Variants in RELT observed in about 807,000 individuals in gnomAD.
RELT encodes RELT TNF receptor.
A neutral mutation model predicts 51.1 loss-of-function variants in RELT; 37 were observed. The observed-to-expected ratio is 0.72, with a 90% CI of 0.56 to 0.95. The LOEUF (loss-of-function observed/expected upper bound fraction) is 0.95. Ranked by LOEUF, RELT falls within the 40% of genes least tolerant of loss-of-function variation. The pLI is 0.00. For synonymous variants in RELT, 241 were observed against 235.7 expected (o/e 1.02, Z -0.21); for missense variants, 535 against 572.6 (o/e 0.93, Z 0.67).
chr11:73,387,717 G>A (rs959114722), intron 1 of RELT, among the ~76,000 whole-genome samples: 4 of 152,320 alleles, frequency 2.6e-5, no homozygotes, highest in African/African-American at 9.6e-5. Flanking sequence ...GAGGGAGGGC[G>A]GGTGGACAGA....
In RELT at chr11:73,394,716, C is replaced by A. The variant is rs140726886; in HGVS notation, c.1028C>A (p.Thr343Asn). Reference sequence around the variant, plus strand: ...AAGGCAGGGCGTCAGGGCGAGATCACCATCTTGTCTGTGGGCAGGTGAGAT... The same window carrying A: ...AAGGCAGGGCGTCAGGGCGAGATCAACATCTTGTCTGTGGGCAGGTGAGAT... ...GAKAGRQGEI[T>N]ILSVGRFRVA... The change falls in exon 9 of 11, where the codon ACC (threonine) becomes AAC (asparagine). Residue 343 changes from threonine to asparagine, a missense_variant. Coordinates refer to ENST00000064780, the MANE Select transcript of RELT (RefSeq NM_152222.2). This position sits in a 1 kb window ranked among gnomAD's most constrained non-coding sequence, Gnocchi z 4.9. 12 of 1,610,392 alleles carry A rather than the reference C, an allele frequency of 7.5e-6. No individual in the cohort carries two copies. The African/African-American group carries it at 1.5e-4, about 20-fold the overall frequency.
chr11:73,395,771 A>T lies in RELT; in HGVS notation c.*280A>T, dbSNP rs1866309979. ...CGACCCCCGTGCCTGCCCTGGCTGG[A>T]TCCTAGGAGCCCACGGGATTCTCTG... On this transcript the variant is annotated 3_prime_UTR_variant, in exon 11 of 11. Coordinates refer to ENST00000064780, the MANE Select transcript of RELT (RefSeq NM_152222.2). 1 of 539,006 alleles carries T rather than the reference A, an allele frequency of 1.9e-6. No homozygotes were observed. The highest frequency in any genetic ancestry group is 3.3e-6 in the Non-Finnish European group (1 of 300,260). The allele number at this position is 539,006 out of a possible 1,614,324, so 33.4% of individuals were successfully genotyped here. A position where few individuals can be genotyped will look rare whatever the true frequency, so the allele number is the denominator to read the frequency against.
rs1866277269 is a variant in RELT, at chr11:73,394,569, G to A, written c.881G>A (p.Cys294Tyr). ...GGCCTGGCCTCGCTCTCTGGCCCCTGCTGCTCCCGCTGTAGCCAGAAGAAG... is the reference window on the plus strand; with the variant it reads ...GGCCTGGCCTCGCTCTCTGGCCCCTACTGCTCCCGCTGTAGCCAGAAGAAG... ...VQGLASLSGP[C>Y]CSRCSQKKWP... Residue 294 changes from cysteine (C) to tyrosine (Y), a missense_variant, in exon 9 of 11, where the codon TGC (cysteine) becomes TAC (tyrosine). Physicochemically the swap from Cys to Tyr is radical, Grantham distance 194. Transcript: ENST00000064780. This position sits in a 1 kb window ranked among gnomAD's most constrained non-coding sequence, Gnocchi z 4.9. 2 of 1,612,588 alleles carry A rather than the reference G, an allele frequency of 1.2e-6. No individual in the cohort carries two copies. The highest frequency in any genetic ancestry group is 1.7e-6 in the Non-Finnish European group (2 of 1,179,998).
At position 73,392,295 on chromosome 11, in the gene RELT, C is replaced by T; in HGVS notation, c.452C>T (p.Thr151Ile). Residue 151 changes from threonine (T) to isoleucine (I), a missense_variant, in exon 6 of 11, where the codon ACC (threonine) becomes ATC (isoleucine). Physicochemically the swap from Thr to Ile is moderately conservative, Grantham distance 89. Coordinates refer to ENST00000064780, the MANE Select transcript of RELT (RefSeq NM_152222.2). ...GAGACACGGCAGCCTGGGAACGGCA[C>T]CCGGGCAGGTGGCCCAGAGGAGACA... is the stretch of plus-strand genomic sequence containing the variant. ...GGETRQPGNG[T>I]RAGGPEETAA... The T allele has an allele frequency of 6.2e-7, 1 of 1,613,298 alleles. No homozygotes were observed. Among genetic ancestry groups the T allele is most frequent in the Non-Finnish European group, 8.5e-7 (1 of 1,179,882 alleles).
At position 73,388,763 on chromosome 11, in the gene RELT, G is replaced by A. The variant is rs935305303; in HGVS notation, c.-25-349G>A. Among the ~76,000 whole-genome samples, 3 of 152,182 alleles carry A rather than the reference G, an allele frequency of 2.0e-5. No individual in the cohort carries two copies. Among genetic ancestry groups the A allele is most frequent in the East Asian group, 1.9e-4 (1 of 5,186 alleles). On this transcript the variant is annotated intron_variant, in intron 1 of 10. Coordinates refer to ENST00000064780, the MANE Select transcript of RELT (RefSeq NM_152222.2). The surrounding 1 kb of genome is among the most constrained non-coding windows in gnomAD (Gnocchi z 4.1). ...GTGTTGGTTGCAACCCTGTCATCAC[G>A]GACACAGGCCGCCACACGCGCTTCC...
intron 1 of RELT, among the ~76,000 whole-genome samples, chr11:73,384,112 C>A (rs1831830123): frequency 6.6e-6 from 1 of 152,172 alleles, no homozygotes; most frequent in Non-Finnish European, 1.5e-5. Context: ...CCAGCCCCCA[C>A]CTCCATCTCC....
At chr11:73,390,995 T>C in intron 4 of RELT, 74 bp downstream of exon 4, 3 of 1,571,018 alleles carry the variant, frequency 1.9e-6, no homozygotes, top group African/African-American at 1.4e-5. Context: ...CCCAGCCTTA[T>C]TGTACCCTGA....
In RELT at chr11:73,394,305, G is replaced by A. The variant is rs1391421533; in HGVS notation, c.776G>A (p.Arg259Lys). Residue 259 changes from arginine (R) to lysine (K), a missense_variant, in exon 8 of 11, where the codon AGG (arginine) becomes AAG (lysine). Transcript: ENST00000064780. The surrounding 1 kb of genome is among the most constrained non-coding windows in gnomAD (Gnocchi z 4.9). Reference protein sequence around the residue: ...HSKQLVQTSHRPVSKLPPAPP... With the variant: ...HSKQLVQTSHKPVSKLPPAPP... ...AAACAGCTGGTGCAGACGAGCCACA[G>A]GCCTGTGTCCAAGTGAGTGGGCTGG... 6.2e-7 allele frequency: 1 copy of A among 1,613,068 alleles called. No individual in the cohort carries two copies. Among genetic ancestry groups the A allele is most frequent in the Admixed American group, 1.7e-5 (1 of 59,984 alleles).
At chr11:73,379,331 C>G (rs1238579495) in intron 1 of RELT, among the ~76,000 whole-genome samples, 1 of 152,340 alleles carries the variant, frequency 6.6e-6, no homozygotes. Flanking sequence ...GTGCCCTGGC[C>G]AAGCCAAACC....
Position 73,394,720 on chromosome 11 carries a change from C to T in RELT, c.1032C>T (p.Ile344=), listed in dbSNP as rs1866282818. 6.2e-7 allele frequency: 1 copy of T among 1,609,908 alleles called. No individual in the cohort carries two copies. Among genetic ancestry groups the T allele is most frequent in the Non-Finnish European group, 8.5e-7 (1 of 1,179,796 alleles). Residue 344 remains isoleucine, a synonymous_variant, in exon 9 of 11, where the codon ATC becomes ATT. Transcript: ENST00000064780. The surrounding 1 kb of genome is among the most constrained non-coding windows in gnomAD (Gnocchi z 4.9). ...AKAGRQGEIT[I]LSVGRFRVAR... is the part of the protein sequence containing the mutation. ...CAGGGCGTCAGGGCGAGATCACCAT[C>T]TTGTCTGTGGGCAGGTGAGATGGGC... is the stretch of plus-strand genomic sequence containing the variant.
chr11:73,394,428 T>A lies in RELT; in HGVS notation c.789-49T>A. 2 of 1,608,112 alleles carry A rather than the reference T, an allele frequency of 1.2e-6. No individual in the cohort carries two copies. The highest frequency in any genetic ancestry group is 2.2e-5 in the South Asian group (2 of 90,834). On this transcript the variant is annotated intron_variant, in intron 8 of 10. Coordinates refer to ENST00000064780, the MANE Select transcript of RELT (RefSeq NM_152222.2). The surrounding 1 kb of genome is among the most constrained non-coding windows in gnomAD (Gnocchi z 4.9). ...AGTCACCCTGTTCCCTGCTGGGGTCTCCTGCCCCTGGCCTGGCCTATGGCC... is the reference window on the plus strand; with the variant it reads ...AGTCACCCTGTTCCCTGCTGGGGTCACCTGCCCCTGGCCTGGCCTATGGCC...
chr11:73,392,982 G>A (rs924332941), intron 6 of RELT: 6 of 1,004,946 alleles, frequency 6.0e-6, no homozygotes, highest in South Asian at 4.2e-5. Context: ...CACCCCCAGG[G>A]CCCCGGGCCC....
chr11:73,392,595 TAGC>T, intron 6 of RELT, 127 bp downstream of exon 6: 7 of 1,420,802 alleles, frequency 4.9e-6, no homozygotes, highest in Non-Finnish European at 6.6e-6. Flanking sequence ...TGGGAGGTGA[TAGC>T]TGCAGACTGA....
intron 1 of RELT, among the ~76,000 whole-genome samples, chr11:73,377,268 C>CTGTGTGTGTGTGTG (rs1865982501): frequency 9.3e-6 from 1 of 107,758 alleles, no homozygotes; most frequent in African/African-American, 7.3e-5. Flanking sequence ...CAAGTGGTGT[C>CTGTGTGTGTGTGTG]AGTGTGTGTG....
intron 1 of RELT, among the ~76,000 whole-genome samples, chr11:73,381,544 G>A (rs1254137102): frequency 1.3e-5 from 2 of 152,168 alleles, no homozygotes; most frequent in Non-Finnish European, 2.9e-5. Context: ...GAGAGGAGAG[G>A]GGGCCCTCTT....
Position 73,395,291 on chromosome 11 carries a change from A to G in RELT, c.1245+6A>G, listed in dbSNP as rs2134458059. 6.2e-7 allele frequency: 1 copy of G among 1,612,294 alleles called. No individual in the cohort carries two copies. The highest frequency in any genetic ancestry group is 8.5e-7 in the Non-Finnish European group (1 of 1,179,632). On this transcript the variant is annotated splice_donor_region_variant and intron_variant, in intron 10 of 10. Coordinates refer to ENST00000064780, the MANE Select transcript of RELT (RefSeq NM_152222.2). ...CAGCAGAGAACAAGGCCGAGGTGAG[A>G]GTCAAGGAGAAAGGCATCTGTTGGC...
chr11:73,392,512 G>C, intron 6 of RELT, 44 bp downstream of exon 6: 2 of 1,586,294 alleles, frequency 1.3e-6, no homozygotes, highest in Middle Eastern at 1.7e-4. Context: ...GGGGGCACGA[G>C]CCCAGCCCCA....
intron 1 of RELT, among the ~76,000 whole-genome samples, chr11:73,385,280 G>C (rs2134443723): frequency 6.6e-6 from 1 of 152,320 alleles, no homozygotes; most frequent in Non-Finnish European, 1.5e-5. Context: ...TCTGGGAAAG[G>C]GGAAGCTGCC....
rs1317791873 is a variant in RELT, at chr11:73,388,934, G to GC, written c.-25-173dup. ...GTGAGGCCGGCTCCCAGGCAGGGCA[G>GC]CCCCCTCTGCTTGGGCCTGTGCTTG... On this transcript the variant is annotated intron_variant, in intron 1 of 10. Transcript: ENST00000064780. This position sits in a 1 kb window ranked among gnomAD's most constrained non-coding sequence, Gnocchi z 4.1. Among the ~76,000 whole-genome samples, 1 of 152,190 alleles carries GC rather than the reference G, an allele frequency of 6.6e-6. No homozygotes were observed. Among genetic ancestry groups the GC allele is most frequent in the Non-Finnish European group, 1.5e-5 (1 of 68,028 alleles).
Sources: gnomAD v4.1 joint callset for allele counts (sites outside exome capture counted in the v4.1 genomes callset) on GRCh38, gnomAD v4.1.1 for gene constraint, Gnocchi (gnomAD v3.1) non-coding constraint, MANE v1.5 for transcripts, NCBI Gene and HGNC (gene_info 2026-07-23, HGNC 2026-07-21) for gene names.